MICALL2: variants seen among roughly 807,000 people sequenced by gnomAD.
The protein encoded by MICALL2 is MICAL like 2, also known as MICAL-like protein 2.
Under a neutral mutation model 91.1 loss-of-function variants are expected in MICALL2, and 111 were observed. The ratio of observed to expected loss-of-function variants is 1.22; its 90% CI spans 1.04 to 1.43. The LOEUF (loss-of-function observed/expected upper bound fraction) is 1.43, where lower values mean the gene tolerates loss of function less well. Ranked by LOEUF, MICALL2 falls within the 40% of genes most tolerant of loss-of-function variation. MICALL2 has a pLI of 0.00. For synonymous variants in MICALL2, 694 were observed against 525.3 expected (o/e 1.32, Z -4.39); for missense variants, 1,556 against 1,236.0 (o/e 1.26, Z -3.88).
chr7:1,459,137 G>A lies in MICALL2; in HGVS notation c.143+47C>T, dbSNP rs770439089. The A allele has an allele frequency of 3.8e-6, 6 of 1,562,782 alleles. No individual in the cohort carries two copies. In the African/African-American group the frequency reaches 4.1e-5, roughly 11 times the overall value. On this transcript the variant is annotated intron_variant, in intron 1 of 16. Coordinates refer to ENST00000297508, the MANE Select transcript of MICALL2 (RefSeq NM_182924.4). The stretch of plus-strand genomic sequence containing the variant: ...CCTCAGTTTCCCCGCCCGTGTCAGC[G>A]CGCAGCCGAACAGCAGAAGAATCAA...
rs755140922 is a variant in MICALL2 at position 1,439,970 on chromosome 7, G to A, written c.1921C>T (p.Pro641Ser). Residue 641 changes from proline (P) to serine (S), a missense_variant, in exon 9 of 17, where the codon CCT (proline) becomes TCT (serine). Pro to Ser is a moderately conservative substitution (Grantham distance 74). Coordinates refer to ENST00000297508, the MANE Select transcript of MICALL2 (RefSeq NM_182924.4). ...SVHITLTPVR[P>S]DRTPRPASPG... ...CTGGCTGGGCGTGGGGTCCTGTCAGGCCTCACGGGGGTCAGGGTGATGTGG... is the reference window on the plus strand; with the variant it reads ...CTGGCTGGGCGTGGGGTCCTGTCAGACCTCACGGGGGTCAGGGTGATGTGG... 1.3e-6 allele frequency: 2 copies of A among 1,520,166 alleles called. No homozygotes were observed. Among genetic ancestry groups the A allele is most frequent in the South Asian group, 1.3e-5 (1 of 76,030 alleles). 94.2% of individuals were successfully genotyped at this position (1,520,166 alleles called of 1,614,324 possible).
intron 15 of MICALL2, among the ~76,000 whole-genome samples, chr7:1,435,643 G>T (rs540529850): frequency 6.6e-6 from 1 of 152,274 alleles, no homozygotes; most frequent in African/African-American, 2.4e-5. Context: ...TTCAGGTGCC[G>T]ACCCAGAATG....
rs148955802 is a variant in MICALL2, at chr7:1,443,706, C to T, written c.1418+946G>A. ...GAGGGAGGCGACCACAAGCCAAGAA[C>T]GCTCAGAGCCGCTGGGAGCTGGAAG... On this transcript the variant is annotated intron_variant, in intron 6 of 16. Coordinates refer to ENST00000297508, the MANE Select transcript of MICALL2 (RefSeq NM_182924.4). 5.8e-3 allele frequency among the ~76,000 whole-genome samples: 877 copies of T among 152,284 alleles called. 7 individuals are homozygous for T. Among genetic ancestry groups the T allele is most frequent in the African/African-American group, 0.02 (822 of 41,558 alleles).
At chr7:1,439,029 A>AGAGCAGGGCCACTG in intron 9 of MICALL2, 34 bp from the exon 10 acceptor site, 4 of 1,528,664 alleles carry the variant, frequency 2.6e-6, no homozygotes, top group Non-Finnish European at 3.6e-6. Context: ...GCCACGCTTC[A>AGAGCAGGGCCACTG]GAGCAGGGCC....
chr7:1,434,869 C>A, intron 16 of MICALL2, 197 bp from the exon 17 acceptor site: 1 of 719,436 alleles, frequency 1.4e-6, no homozygotes, highest in South Asian at 1.9e-5. Flanking sequence ...CTGGTCCCCA[C>A]CATGACCACA....
intron 1 of MICALL2, among the ~76,000 whole-genome samples, chr7:1,458,911 G>A (rs888745009): frequency 6.6e-6 from 1 of 152,232 alleles, no homozygotes; most frequent in Non-Finnish European, 1.5e-5. Context: ...ACACAGAGGG[G>A]GACTGGACTG....
chr7:1,455,581 C>T (rs535540070), intron 1 of MICALL2, among the ~76,000 whole-genome samples: 2 of 147,674 alleles, frequency 1.4e-5, no homozygotes, highest in Admixed American at 6.6e-5. Flanking sequence ...TGTGGTCACA[C>T]GTGGCTCAAG....
In MICALL2 at chr7:1,439,763, T is replaced by C. The variant is rs994345793; in HGVS notation, c.1966+162A>G. 189 of 517,518 alleles carry C rather than the reference T, an allele frequency of 3.7e-4. No individual in the cohort carries two copies. In the East Asian group the frequency reaches 6.6e-3, roughly 18 times the overall value. The allele number at this position is 517,518 out of a possible 1,614,324, so 32.1% of individuals were successfully genotyped here. On this transcript the variant is annotated intron_variant, in intron 9 of 16. Coordinates refer to ENST00000297508, the MANE Select transcript of MICALL2 (RefSeq NM_182924.4). Reference sequence around the variant, plus strand: ...CACATGCATCACACACATGCACACATGTACACACAAGCCTGCCCAGGACTA... The same window carrying C: ...CACATGCATCACACACATGCACACACGTACACACAAGCCTGCCCAGGACTA...
chr7:1,445,024 G>A lies in MICALL2; in HGVS notation c.1046C>T (p.Ser349Leu), dbSNP rs986101038. The A allele has an allele frequency of 2.4e-5, 36 of 1,527,500 alleles. No individual in the cohort carries two copies. The highest frequency in any genetic ancestry group is 2.9e-5 in the Non-Finnish European group (33 of 1,135,438). The allele number at this position is 1,527,500 out of a possible 1,614,324, so 94.6% of individuals were successfully genotyped here. A position where few individuals can be genotyped will look rare whatever the true frequency, so the allele number is the denominator to read the frequency against. Reference sequence around the variant, plus strand: ...CGCTGCTGTGCACGGGGCAGCTGACGACCAGCCCATCGGGGAGCTATTGGT... The same window carrying A: ...CGCTGCTGTGCACGGGGCAGCTGACAACCAGCCCATCGGGGAGCTATTGGT... ...RVTNSSPMGW[S>L]SAAPCTAAAA... Residue 349 changes from serine to leucine, a missense_variant, in exon 6 of 17, where the codon TCG (serine) becomes TTG (leucine). Ser to Leu is a moderately radical substitution (Grantham distance 145, BLOSUM62 -2). Transcript: ENST00000297508.
intron 1 of MICALL2, among the ~76,000 whole-genome samples, chr7:1,454,858 G>C (rs981083136): frequency 4.6e-5 from 7 of 152,186 alleles, no homozygotes; most frequent in Non-Finnish European, 2.9e-5. Flanking sequence ...GCCACTGCTG[G>C]AGGGCTCCAT....
intron 4 of MICALL2, 59 bp from the exon 5 acceptor site, chr7:1,446,887 G>A: frequency 1.6e-6 from 2 of 1,249,090 alleles, no homozygotes; most frequent in Non-Finnish European, 2.2e-6. Context: ...CCTCCTGGTG[G>A]CAGCCCACAG....
rs114531162 is a variant in MICALL2 at position 1,443,667 on chromosome 7, G to A, written c.1418+985C>T. Among the ~76,000 whole-genome samples, 637 of 152,294 alleles carry A rather than the reference G, an allele frequency of 4.2e-3. 4 individuals carry two copies. Among genetic ancestry groups the A allele is most frequent in the African/African-American group, 0.013 (546 of 41,552 alleles). ...GACAGAGAGAAGGCCACATGGAAACGGAGGCAGAGACTGGAGGGAGGCGAC... is the reference window on the plus strand; with the variant it reads ...GACAGAGAGAAGGCCACATGGAAACAGAGGCAGAGACTGGAGGGAGGCGAC... On this transcript the variant is annotated intron_variant, in intron 6 of 16. Transcript: ENST00000297508.
intron 1 of MICALL2, among the ~76,000 whole-genome samples, chr7:1,457,407 C>T (rs1562471979): frequency 1.3e-5 from 2 of 152,218 alleles, no homozygotes; most frequent in Non-Finnish European, 1.5e-5. Flanking sequence ...CTCTCTCTCC[C>T]GCCTCCTTCC....
intron 5 of MICALL2, among the ~76,000 whole-genome samples, chr7:1,446,343 G>T: frequency 4.6e-5 from 1 of 21,648 alleles, no homozygotes; most frequent in Non-Finnish European, 9.9e-5. Context: ...AAGAGGGAGA[G>T]GAGGGGGGAG....
Position 1,451,303 on chromosome 7 carries a change from C to A in MICALL2, c.144-1015G>T, listed in dbSNP as rs1054772597. On this transcript the variant is annotated intron_variant, in intron 1 of 16. Transcript: ENST00000297508. This position sits in a 1 kb window ranked among gnomAD's most constrained non-coding sequence, Gnocchi z 4.5. Reference sequence around the variant, plus strand: ...ATCCCAGGAGGCCCCAGCCCAGCCCCAGGCCCTCCGACAAAAACCACCAGG... The same window carrying A: ...ATCCCAGGAGGCCCCAGCCCAGCCCAAGGCCCTCCGACAAAAACCACCAGG... Among the ~76,000 whole-genome samples the A allele has an allele frequency of 3.3e-5, 5 of 152,136 alleles. No homozygotes were observed. Among genetic ancestry groups the A allele is most frequent in the South Asian group, 4.1e-4 (2 of 4,828 alleles).
At position 1,451,582 on chromosome 7, in the gene MICALL2, C is replaced by T. The variant is rs760707751; in HGVS notation, c.144-1294G>A. Among the ~76,000 whole-genome samples, 6 of 152,176 alleles carry T rather than the reference C, an allele frequency of 3.9e-5. No individual in the cohort carries two copies. The highest frequency in any genetic ancestry group is 7.4e-5 in the Non-Finnish European group (5 of 68,026). On this transcript the variant is annotated intron_variant, in intron 1 of 16. Transcript: ENST00000297508. This position sits in a 1 kb window ranked among gnomAD's most constrained non-coding sequence, Gnocchi z 4.5. ...TCCCGGACAGCAGCTGCTGCCATGT[C>T]AGCGTGAACTGGACTGTTCTAGAAG...
rs1234868978 is a variant in MICALL2 at position 1,438,800 on chromosome 7, C to T, written c.2122+40G>A. The T allele has an allele frequency of 4.5e-6, 7 of 1,564,502 alleles. No homozygotes were observed. In the Admixed American group the frequency reaches 1.2e-4, roughly 27 times the overall value. ...TGCCTCCTCAGAGGAAGGCTCCCTT[C>T]ACGTACACCCCAAACAGCAGCGGTG... On this transcript the variant is annotated intron_variant, in intron 10 of 16. Transcript: ENST00000297508.
In MICALL2 at chr7:1,450,605, C is replaced by A. The variant is rs373534315; in HGVS notation, c.144-317G>T. ...GAAGCAGGCCTGGGAGGTGAGGTCA[C>A]CAGCCCAGGGCGGTTCAGCACAGCT... On this transcript the variant is annotated intron_variant, in intron 1 of 16. Coordinates refer to ENST00000297508, the MANE Select transcript of MICALL2 (RefSeq NM_182924.4). 8.5e-4 allele frequency: 305 copies of A among 359,742 alleles called. 3 individuals are homozygous for A. Among genetic ancestry groups the A allele is most frequent in the South Asian group, 7.9e-3 (278 of 35,328 alleles). 22.3% of individuals were successfully genotyped at this position (359,742 alleles called of 1,614,324 possible).
At chr7:1,435,427 AC>A (rs1214412311) in intron 15 of MICALL2, among the ~76,000 whole-genome samples, 1 of 151,512 alleles carries the variant, frequency 6.6e-6, no homozygotes, top group East Asian at 1.9e-4. Context: ...GGCCGACCAC[AC>A]CAGTGACCTG....
Sources: allele counts gnomAD v4.1 joint callset (sites outside exome capture counted in the v4.1 genomes callset), GRCh38; gene constraint gnomAD v4.1.1; non-coding constraint Gnocchi (gnomAD v3.1); transcripts MANE v1.5; gene names NCBI Gene and HGNC (gene_info 2026-07-23, HGNC 2026-07-21).